CPA6: variants seen among roughly 807,000 people sequenced by gnomAD.
CPA6 encodes carboxypeptidase B.
In CPA6, 58 loss-of-function variants were observed where a neutral mutation model predicts 63.3. The observed-to-expected ratio is 0.92, with a 90% CI of 0.74 to 1.14. The LOEUF is 1.14. Ranked by LOEUF, CPA6 falls within the 50% of genes most tolerant of loss-of-function variation. The pLI is 0.00. For missense variants in CPA6, 565 were observed against 526.6 expected (o/e 1.07, Z -0.71); for synonymous variants, 185 against 179.0 (o/e 1.03, Z -0.27).
intron 10 of CPA6, among the ~76,000 whole-genome samples, chr8:67,423,199 C>T (rs866873854): frequency 6.6e-5 from 10 of 152,208 alleles, no homozygotes; most frequent in Middle Eastern, 3.2e-3. Flanking sequence ...ATTCTCCTGC[C>T]TCAGCCTCCT....
intron 8 of CPA6, among the ~76,000 whole-genome samples, chr8:67,454,797 T>A (rs749949709): frequency 5.9e-5 from 9 of 152,216 alleles, no homozygotes; most frequent in Non-Finnish European, 1.2e-4. Context: ...ATACCATACA[T>A]CACCTTTTTA....
At chr8:67,659,767 A>G (rs1438172927) in intron 1 of CPA6, among the ~76,000 whole-genome samples, 1 of 152,242 alleles carries the variant, frequency 6.6e-6, no homozygotes, top group Admixed American at 6.5e-5. Flanking sequence ...TCCTATTCAC[A>G]AATTCCACCA....
chr8:67,567,896 T>C (rs73692162), intron 2 of CPA6, among the ~76,000 whole-genome samples: 6,476 of 151,886 alleles, frequency 0.043, 244 homozygotes, highest in African/African-American at 0.1. Context: ...CTGAGGAACA[T>C]AGGGGAAAGA....
chr8:67,727,764 C>T (rs1378943984), intron 1 of CPA6, among the ~76,000 whole-genome samples: 2 of 152,224 alleles, frequency 1.3e-5, no homozygotes, highest in African/African-American at 2.4e-5. Flanking sequence ...CTCTGTTCTT[C>T]ATCCCATTAG....
Position 67,493,792 on chromosome 8 carries a change from C to CT in CPA6, c.637-9004dup, listed in dbSNP as rs143148228. On this transcript the variant is annotated intron_variant, in intron 6 of 10. Coordinates refer to ENST00000297770, the MANE Select transcript of CPA6 (RefSeq NM_020361.5). The stretch of plus-strand genomic sequence containing the variant: ...TTGCTTTTCTTTTCTTTCTTTCTTT[C>CT]TTTTTTTTTGTACTGCTGCCTTTCT... Among the ~76,000 whole-genome samples, 964 of 149,342 alleles carry CT rather than the reference C, an allele frequency of 6.5e-3. 13 individuals are homozygous for CT. The highest frequency in any genetic ancestry group is 0.023 in the African/African-American group (919 of 39,444).
chr8:67,557,035 T>G (rs1035094065), intron 2 of CPA6, among the ~76,000 whole-genome samples: 1 of 152,192 alleles, frequency 6.6e-6, no homozygotes, highest in East Asian at 1.9e-4. Flanking sequence ...CCTAGTAAAT[T>G]GCATTTATGG....
intron 1 of CPA6, among the ~76,000 whole-genome samples, chr8:67,669,749 G>A (rs374310002): frequency 1.3e-5 from 2 of 151,054 alleles, no homozygotes; most frequent in East Asian, 2.0e-4. Context: ...CTTCTTATGT[G>A]TCATGTAACT....
At chr8:67,741,486 C>T (rs1043197812) in intron 1 of CPA6, among the ~76,000 whole-genome samples, 8 of 152,174 alleles carry the variant, frequency 5.3e-5, no homozygotes, top group South Asian at 2.1e-4. Flanking sequence ...TGTTAGAAAC[C>T]GGGCCGCACA....
At chr8:67,548,449 G>T (rs937450038) in intron 2 of CPA6, among the ~76,000 whole-genome samples, 6 of 151,518 alleles carry the variant, frequency 4.0e-5, no homozygotes, top group African/African-American at 1.5e-4. Flanking sequence ...TAGAGACAGG[G>T]TTTCACCATG....
At chr8:67,462,210 A>G (rs1488963696) in intron 8 of CPA6, among the ~76,000 whole-genome samples, 2 of 148,710 alleles carry the variant, frequency 1.3e-5, no homozygotes, top group Non-Finnish European at 3.0e-5. Context: ...AGCCAGTTTT[A>G]TTATATCCAT....
intron 1 of CPA6, among the ~76,000 whole-genome samples, chr8:67,727,373 TG>T (rs1587732386): frequency 6.6e-6 from 1 of 152,310 alleles, no homozygotes. Flanking sequence ...TAAAGGAAAT[TG>T]GAAGACCTTA....
intron 6 of CPA6, among the ~76,000 whole-genome samples, chr8:67,487,582 C>G (rs1416309901): frequency 6.6e-6 from 1 of 152,210 alleles, no homozygotes; most frequent in Non-Finnish European, 1.5e-5. Context: ...AATGGGACCA[C>G]TGGGTCAAAT....
chr8:67,600,571 T>C (rs548070854), intron 2 of CPA6, among the ~76,000 whole-genome samples: 1 of 152,300 alleles, frequency 6.6e-6, no homozygotes, highest in South Asian at 2.1e-4. Context: ...TTAGCTTAAA[T>C]GAGCCATTTC....
chr8:67,446,653 A>G (rs1448768544), intron 8 of CPA6, among the ~76,000 whole-genome samples: 2 of 152,222 alleles, frequency 1.3e-5, no homozygotes, highest in Non-Finnish European at 2.9e-5. Context: ...ATCCTCTAGT[A>G]AGCAGTATTG....
At chr8:67,482,970 A>G (rs1811390587) in intron 8 of CPA6, among the ~76,000 whole-genome samples, 1 of 152,188 alleles carries the variant, frequency 6.6e-6, no homozygotes, top group Non-Finnish European at 1.5e-5. Context: ...GGCATCTCAC[A>G]TAGAACCTAA....
intron 1 of CPA6, among the ~76,000 whole-genome samples, chr8:67,690,037 A>C (rs373467382): frequency 6.6e-6 from 1 of 151,968 alleles, no homozygotes; most frequent in East Asian, 1.9e-4. Context: ...ATGATAATGA[A>C]TTTTTTTATA....
At chr8:67,740,849 C>T (rs560667606) in intron 1 of CPA6, among the ~76,000 whole-genome samples, 12 of 152,258 alleles carry the variant, frequency 7.9e-5, no homozygotes, top group East Asian at 5.8e-4. Context: ...GGATTACAGA[C>T]GTGAGCCACC....
chr8:67,699,896 A>G (rs1047704445), intron 1 of CPA6, among the ~76,000 whole-genome samples: 5 of 152,136 alleles, frequency 3.3e-5, no homozygotes, highest in Non-Finnish European at 5.9e-5. Context: ...GCCATGGTTT[A>G]TATTCTTAAC....
In CPA6 at chr8:67,511,552, A is replaced by T; in HGVS notation, c.421T>A (p.Ser141Thr). ...TTTTGATTACATACTTCTTCTAAGG[A>T]GTGATAAACTTCATAATTATATCCA... ...LSGYNYEVYH[S>T]LEEIQNWMHH... Residue 141 changes from serine (S) to threonine (T), a missense_variant, in exon 4 of 11, where the codon TCC becomes ACC. By Grantham distance (58) the Ser-to-Thr change is moderately conservative. Coordinates refer to ENST00000297770, the MANE Select transcript of CPA6 (RefSeq NM_020361.5). The T allele has an allele frequency of 6.3e-7, 1 of 1,575,870 alleles. No individual in the cohort carries two copies. The highest frequency in any genetic ancestry group is 8.7e-7 in the Non-Finnish European group (1 of 1,145,484).
Sources: allele counts gnomAD v4.1 joint callset (sites outside exome capture counted in the v4.1 genomes callset), GRCh38; gene constraint gnomAD v4.1.1; transcripts MANE v1.5; gene names NCBI Gene and HGNC (gene_info 2026-07-23, HGNC 2026-07-21).